TRIM61: variants seen among roughly 807,000 people sequenced by gnomAD.
TRIM61 encodes the protein putative tripartite motif-containing protein 61.
A neutral mutation model predicts 14.2 loss-of-function variants in TRIM61; 1 was observed. That is an observed-to-expected ratio of 0.07 (90% CI 0.03 to 0.33). The LOEUF (loss-of-function observed/expected upper bound fraction) is 0.33, where lower values mean the gene tolerates loss of function less well. Among genes scored for constraint, TRIM61 ranks in the 10% least tolerant of loss-of-function variants. The pLI is 0.99. For missense variants in TRIM61, 19 were observed against 202.2 expected (o/e 0.09, Z 5.49); for synonymous variants, 8 against 71.6 (o/e 0.11, Z 4.49).
At chr4:164,964,172 A>C (rs2111139690) in intron 3 of TRIM61, among the ~76,000 whole-genome samples, 1 of 151,968 alleles carries the variant, frequency 6.6e-6, no homozygotes, top group East Asian at 1.9e-4. Context: ...ACACAGTGAA[A>C]CCCCATCTCT....
intron 3 of TRIM61, chr4:164,957,480 G>T (rs1216386292): frequency 6.2e-7 from 1 of 1,613,152 alleles, no homozygotes; most frequent in Non-Finnish European, 8.5e-7. Context: ...CTCCCGCTGG[G>T]CTCACCTGTC....
intron 3 of TRIM61, chr4:164,969,322 G>A (rs1732308503): frequency 6.8e-7 from 1 of 1,480,728 alleles, no homozygotes; most frequent in Non-Finnish European, 8.9e-7. Context: ...TTAATGAGGA[G>A]GTATAATCTG....
chr4:164,972,803 T>C (rs906984857), intron 2 of TRIM61, among the ~76,000 whole-genome samples: 1 of 152,226 alleles, frequency 6.6e-6, no homozygotes, highest in African/African-American at 2.4e-5. Context: ...TATTGCTTCT[T>C]GATATCATTT....
At chr4:164,975,130 C>T (rs2111154654) in intron 2 of TRIM61, among the ~76,000 whole-genome samples, 1 of 151,676 alleles carries the variant, frequency 6.6e-6, no homozygotes, top group South Asian at 2.1e-4. Flanking sequence ...ACTTGGGAAG[C>T]TAAGGCAGGA....
Position 164,954,986 on chromosome 4 carries a change from A to G in TRIM61, c.*6T>C. ...CATGGTGGAGGGCACCTGTAGTCCC[A>G]GCTACTCAGGAGCCAGAGGCAGAAG... On this transcript the variant is annotated 3_prime_UTR_variant, in exon 4 of 5. Coordinates refer to ENST00000329314, the MANE Select transcript of TRIM61 (RefSeq NM_001012414.3). The G allele has an allele frequency of 3.3e-6, 1 of 306,934 alleles. No homozygotes were observed. Among genetic ancestry groups the G allele is most frequent in the Non-Finnish European group, 6.7e-6 (1 of 150,122 alleles). The allele number at this position is 306,934 out of a possible 1,614,324, so 19.0% of individuals were successfully genotyped here.
intron 3 of TRIM61, among the ~76,000 whole-genome samples, chr4:164,964,427 A>T (rs530605273): frequency 3.3e-5 from 5 of 152,332 alleles, no homozygotes; most frequent in Admixed American, 2.6e-4. Flanking sequence ...GAATGACAAA[A>T]ATAAAAATTG....
At chr4:164,955,374 T>C (rs1365455492) in intron 3 of TRIM61, among the ~76,000 whole-genome samples, 4 of 151,978 alleles carry the variant, frequency 2.6e-5, no homozygotes, top group Non-Finnish European at 4.4e-5. Flanking sequence ...TTGGAATATA[T>C]TGAGTTCTGT....
intron 3 of TRIM61, chr4:164,968,362 A>G (rs1029079802): frequency 6.2e-6 from 6 of 971,092 alleles, no homozygotes; most frequent in South Asian, 4.8e-5. Context: ...TCAGTAATAT[A>G]TGTTTCAAGT....
At chr4:164,961,504 T>C (rs1460554546) in intron 3 of TRIM61, among the ~76,000 whole-genome samples, 1 of 151,574 alleles carries the variant, frequency 6.6e-6, no homozygotes. Context: ...TTGTGGATAC[T>C]TGGAATCTCA....
At chr4:164,956,930 G>A in intron 3 of TRIM61, 2 of 1,258,498 alleles carry the variant, frequency 1.6e-6, no homozygotes, top group Non-Finnish European at 2.1e-6. Context: ...GATTGGGTGC[G>A]GCCGGCACCG....
At chr4:164,959,949 G>A (rs886136198) in intron 3 of TRIM61, among the ~76,000 whole-genome samples, 1 of 152,128 alleles carries the variant, frequency 6.6e-6, no homozygotes, top group Non-Finnish European at 1.5e-5. Flanking sequence ...TGGAAATTAG[G>A]TCTTTAGAAG....
chr4:164,955,957 C>T (rs1222670699), intron 3 of TRIM61, among the ~76,000 whole-genome samples: 2 of 152,148 alleles, frequency 1.3e-5, no homozygotes, highest in East Asian at 1.9e-4. Context: ...AGCCCTGAGG[C>T]GGACTGAAAA....
chr4:164,958,942 C>T lies in TRIM61; in HGVS notation c.526-3846G>A, dbSNP rs1248828737. ...AGATAAACTGAGAATTTAGGTCTCT[C>T]GCACCACCCAGGCACATACTCTATC... On this transcript the variant is annotated intron_variant, in intron 3 of 4. Transcript: ENST00000329314. 4 of 167,168 alleles carry T rather than the reference C, an allele frequency of 2.4e-5. No homozygotes were observed. The East Asian group carries it at 7.7e-4, about 32-fold the overall frequency. The allele number at this position is 167,168 out of a possible 1,614,324, so 10.4% of individuals were successfully genotyped here.
intron 2 of TRIM61, among the ~76,000 whole-genome samples, chr4:164,972,987 G>A (rs942047521): frequency 4.6e-5 from 7 of 152,032 alleles, no homozygotes; most frequent in African/African-American, 7.2e-5. Context: ...AGTACTTAAC[G>A]AAAACAAACA....
chr4:164,966,812 G>GA (rs1225914862), intron 3 of TRIM61, among the ~76,000 whole-genome samples: 1 of 152,092 alleles, frequency 6.6e-6, no homozygotes, highest in Non-Finnish European at 1.5e-5. Flanking sequence ...ACTTTGGGTG[G>GA]AGAGGGTGCG....
intron 2 of TRIM61, among the ~76,000 whole-genome samples, chr4:164,973,341 A>G (rs1184390583): frequency 2.0e-5 from 3 of 152,228 alleles, no homozygotes; most frequent in African/African-American, 7.2e-5. Flanking sequence ...ATAATCACTA[A>G]GTTGTACTGC....
intron 2 of TRIM61, among the ~76,000 whole-genome samples, chr4:164,970,799 C>T (rs1560887257): frequency 6.6e-6 from 1 of 152,026 alleles, no homozygotes; most frequent in Non-Finnish European, 1.5e-5. Context: ...CAAAACAAAA[C>T]AAAAAAATGC....
At chr4:164,969,370 ATCCATCTCTT>A in intron 3 of TRIM61, 1 of 1,570,976 alleles carries the variant, frequency 6.4e-7, no homozygotes, top group Non-Finnish European at 8.6e-7. Flanking sequence ...GTGCTAAAAT[ATCCATCTCTT>A]CATCTTGTAA....
chr4:164,957,129 G>A, intron 3 of TRIM61: 1 of 1,600,614 alleles, frequency 6.2e-7, no homozygotes, highest in Non-Finnish European at 8.5e-7. Context: ...CTGCGTTCCT[G>A]GTGCAGGGCT....
Sources: allele counts gnomAD v4.1 joint callset (sites outside exome capture counted in the v4.1 genomes callset), GRCh38; gene constraint gnomAD v4.1.1; transcripts MANE v1.5; gene names NCBI Gene and HGNC (gene_info 2026-07-23, HGNC 2026-07-21).